Variants in CFAP47 observed in about 807,000 individuals in gnomAD.
CFAP47 encodes cilia and flagella associated protein 47.
In CFAP47, 29 loss-of-function variants were observed where a neutral mutation model predicts 148.1. The observed-to-expected ratio is 0.20, with a 90% confidence interval of 0.15 to 0.27. CFAP47 has a LOEUF of 0.27. CFAP47 is among the 10% of genes least tolerant of loss of function. The probability of loss-of-function intolerance (pLI) is 1.00; values close to 1 mark genes in which losing one functional copy is unlikely to be tolerated. For missense variants in CFAP47, 1,872 were observed against 1,697.5 expected (o/e 1.10, Z -1.81); for synonymous variants, 664 against 577.3 (o/e 1.15, Z -2.15).
chrX:36,305,124 A>G (rs1391748460), intron 54 of CFAP47, among the ~76,000 whole-genome samples: 1 of 112,352 alleles, frequency 8.9e-6, no homozygotes, highest in Non-Finnish European at 1.9e-5. Context: ...TTGCCAACTT[A>G]TGTAATGATA....
intron 56 of CFAP47, among the ~76,000 whole-genome samples, chrX:36,313,305 GA>G (rs1344617329): frequency 9.1e-6 from 1 of 109,700 alleles, no homozygotes; most frequent in Non-Finnish European, 1.9e-5. Flanking sequence ...AATCATGGTG[GA>G]AAAAAAACAG....
rs1188987905 is a variant in CFAP47, at chrX:35,960,380, G to GAAAA, written c.1410+4208_1410+4211dup. Among the ~76,000 whole-genome samples the GAAAA allele has an allele frequency of 6.5e-4, 10 of 15,480 alleles. 1 individual carries two copies. Among genetic ancestry groups the GAAAA allele is most frequent in the Admixed American group, 5.4e-3 (5 of 932 alleles). The allele number at this position is 15,480 out of a possible 115,157, so 13.4% of individuals were successfully genotyped here. A position where few individuals can be genotyped will look rare whatever the true frequency, so the allele number is the denominator to read the frequency against. Reference sequence around the variant, plus strand: ...CTTTAACATTAGCTTGCTAATTTCTGAAAAAAAAAAAAAAAAAAAAAAAAA... The same window carrying GAAAA: ...CTTTAACATTAGCTTGCTAATTTCTGAAAAAAAAAAAAAAAAAAAAAAAAAAAAA... On this transcript the variant is annotated intron_variant, in intron 8 of 63. Coordinates refer to ENST00000378653, the MANE Select transcript of CFAP47 (RefSeq NM_001304548.2).
intron 27 of CFAP47, among the ~76,000 whole-genome samples, chrX:36,067,207 T>G (rs1388241668): frequency 9.0e-6 from 1 of 111,439 alleles, no homozygotes; most frequent in Non-Finnish European, 1.9e-5. Flanking sequence ...TCAGCTACAA[T>G]CCATGGGCTA....
chrX:35,946,557 T>C (rs1432074209), intron 3 of CFAP47, among the ~76,000 whole-genome samples: 1 of 112,245 alleles, frequency 8.9e-6, no homozygotes, highest in Non-Finnish European at 1.9e-5. Flanking sequence ...TAAAATTAAC[T>C]TCAAATATTA....
At chrX:36,353,807 T>A in intron 60 of CFAP47, 126 bp downstream of exon 60, 1 of 485,522 alleles carries the variant, frequency 2.1e-6, no homozygotes, top group Non-Finnish European at 3.3e-6. Context: ...TCACTACTTA[T>A]TCACATAGTG....
At chrX:35,935,866 G>A (rs1317323978) in intron 2 of CFAP47, among the ~76,000 whole-genome samples, 1 of 111,209 alleles carries the variant, frequency 9.0e-6, no homozygotes, top group Non-Finnish European at 1.9e-5. Context: ...GATGTGATAC[G>A]TGCATTCATT....
intron 37 of CFAP47, among the ~76,000 whole-genome samples, chrX:36,157,020 G>A (rs750455713): frequency 2.7e-3 from 298 of 108,871 alleles, no homozygotes; most frequent in Non-Finnish European, 4.8e-3. Flanking sequence ...AGCTTCCATC[G>A]AGATCCAATC....
At chrX:35,960,136 C>T (rs927142191) in intron 8 of CFAP47, among the ~76,000 whole-genome samples, 1 of 105,084 alleles carries the variant, frequency 9.5e-6, no homozygotes, top group Non-Finnish European at 1.9e-5. Flanking sequence ...CAAGATACTT[C>T]ACCATGTTGG....
At chrX:36,054,772 AT>A (rs1483739467) in intron 26 of CFAP47, among the ~76,000 whole-genome samples, 1 of 110,210 alleles carries the variant, frequency 9.1e-6, no homozygotes, top group East Asian at 2.9e-4. Flanking sequence ...AGCTCTTACT[AT>A]TTTTTCTCTT....
At chrX:36,207,481 G>A (rs1555988929) in intron 45 of CFAP47, among the ~76,000 whole-genome samples, 1 of 111,085 alleles carries the variant, frequency 9.0e-6, no homozygotes, top group African/African-American at 3.3e-5. Flanking sequence ...TATTAAAAAA[G>A]TGGCTTTCTT....
chrX:36,384,919 A>T lies in CFAP47; in HGVS notation c.9477A>T (p.Pro3159=). The T allele has an allele frequency of 8.6e-7, 1 of 1,166,590 alleles. No homozygotes were observed. The highest frequency in any genetic ancestry group is 1.1e-6 in the Non-Finnish European group (1 of 871,708). ...CACATGACAACATGCCAGTCCGTCC[A>T]CATAATTTTGTCCGTGAAAATACTA... ...HKTHDNMPVR[P]HNFVRENTKL... is the part of the protein sequence containing the mutation. Residue 3159 remains proline (P), a synonymous_variant, in exon 64 of 64, where the codon CCA becomes CCT. Coordinates refer to ENST00000378653, the MANE Select transcript of CFAP47 (RefSeq NM_001304548.2).
chrX:36,099,928 C>CATATGTTAATT (rs1360792221), intron 32 of CFAP47, 49 bp downstream of exon 32: 2 of 653,548 alleles, frequency 3.1e-6, no homozygotes, highest in Non-Finnish European at 4.8e-6. Context: ...TAATATGAAT[C>CATATGTTAATT]ATATGTTAAT....
At chrX:36,062,899 A>G (rs764694079) in intron 26 of CFAP47, among the ~76,000 whole-genome samples, 1 of 112,299 alleles carries the variant, frequency 8.9e-6, no homozygotes, top group African/African-American at 3.2e-5. Flanking sequence ...GCTGCTGTAA[A>G]AAGAAATGAA....
At chrX:36,116,037 A>G (rs1008086484) in intron 33 of CFAP47, among the ~76,000 whole-genome samples, 2 of 112,139 alleles carry the variant, frequency 1.8e-5, no homozygotes, top group African/African-American at 6.5e-5. Flanking sequence ...TTCACACTGT[A>G]ACCGTTGCAG....
intron 57 of CFAP47, among the ~76,000 whole-genome samples, chrX:36,323,528 A>C (rs2146968948): frequency 9.0e-6 from 1 of 111,487 alleles, no homozygotes; most frequent in Admixed American, 9.6e-5. Context: ...CATTCTATTC[A>C]ATTTTATTCA....
intron 30 of CFAP47, among the ~76,000 whole-genome samples, chrX:36,089,210 A>C (rs1262776598): frequency 9.1e-6 from 1 of 110,051 alleles, no homozygotes; most frequent in African/African-American, 3.3e-5. Flanking sequence ...TCTACTAAAA[A>C]CACAAAAAAT....
chrX:35,982,234 C>T (rs916094747), intron 15 of CFAP47, among the ~76,000 whole-genome samples: 4 of 111,256 alleles, frequency 3.6e-5, no homozygotes, highest in Non-Finnish European at 5.7e-5. Context: ...GGTATCTCAT[C>T]GTGGTTTTGA....
At chrX:36,084,216 A>G (rs753787144) in intron 29 of CFAP47, among the ~76,000 whole-genome samples, 10 of 111,233 alleles carry the variant, frequency 9.0e-5, no homozygotes, top group African/African-American at 2.9e-4. Context: ...TGTGTCTTAC[A>G]ACTATAATAC....
At chrX:35,995,318 C>T (rs905270653) in intron 18 of CFAP47, among the ~76,000 whole-genome samples, 1 of 111,302 alleles carries the variant, frequency 9.0e-6, no homozygotes, top group Non-Finnish European at 1.9e-5. Context: ...TCATACAGGG[C>T]CTTATCAACA....
Sources: allele counts gnomAD v4.1 joint callset (sites outside exome capture counted in the v4.1 genomes callset), GRCh38; gene constraint gnomAD v4.1.1; transcripts MANE v1.5; gene names NCBI Gene and HGNC (gene_info 2026-07-23, HGNC 2026-07-21).